The following ASAP1 variants were observed in gnomAD, a reference collection of about 807,000 sequenced individuals.
The protein encoded by ASAP1 is arf-GAP with SH3 domain, ANK repeat and PH domain-containing protein 1.
A neutral mutation model predicts 145.2 loss-of-function variants in ASAP1; 43 were observed. The ratio of observed to expected loss-of-function variants is 0.30; its 90% CI spans 0.23 to 0.38. The LOEUF (loss-of-function observed/expected upper bound fraction) is 0.38, where lower values mean the gene tolerates loss of function less well. ASAP1 is among the 10% of genes least tolerant of loss of function. The pLI, the probability that ASAP1 is intolerant of heterozygous loss-of-function variation, is 1.00. For synonymous variants in ASAP1, 546 were observed against 515.5 expected (o/e 1.06, Z -0.80); for missense variants, 1,018 against 1,355.3 (o/e 0.75, Z 3.91).
intron 1 of ASAP1, among the ~76,000 whole-genome samples, chr8:130,425,709 G>A (rs966805681): frequency 1.3e-5 from 2 of 152,162 alleles, no homozygotes; most frequent in Non-Finnish European, 2.9e-5. Flanking sequence ...ATCATCATAA[G>A]CATTTAAAAT....
At chr8:130,386,104 CCGGT>C (rs1415019426) in intron 2 of ASAP1, among the ~76,000 whole-genome samples, 2 of 152,286 alleles carry the variant, frequency 1.3e-5, no homozygotes, top group African/African-American at 4.8e-5. Context: ...GGTCTTTAAA[CCGGT>C]GGCTTTAGGA....
At chr8:130,099,149 G>A (rs977771221) in intron 24 of ASAP1, among the ~76,000 whole-genome samples, 1 of 151,276 alleles carries the variant, frequency 6.6e-6, no homozygotes. Flanking sequence ...CAGTAGCTGG[G>A]ACTATACGTG....
chr8:130,115,524 C>T, intron 23 of ASAP1, 104 bp downstream of exon 23: 1 of 890,858 alleles, frequency 1.1e-6, no homozygotes, highest in Non-Finnish European at 1.8e-6. Context: ...TACATTGGAT[C>T]ATAAAACCAC....
intron 5 of ASAP1, among the ~76,000 whole-genome samples, chr8:130,212,946 G>A (rs1816677104): frequency 6.6e-6 from 1 of 152,192 alleles, no homozygotes; most frequent in African/African-American, 2.4e-5. Context: ...CCATCTCAGA[G>A]AAAACAGATC....
intron 25 of ASAP1, among the ~76,000 whole-genome samples, chr8:130,081,389 G>A (rs1440113448): frequency 1.3e-5 from 2 of 152,194 alleles, no homozygotes; most frequent in African/African-American, 4.8e-5. Context: ...CCGGGACCCT[G>A]CATGGGCACC....
intron 18 of ASAP1, among the ~76,000 whole-genome samples, chr8:130,121,990 T>G (rs532783263): frequency 6.6e-6 from 1 of 152,134 alleles, no homozygotes; most frequent in East Asian, 1.9e-4. Flanking sequence ...CGCCACATCT[T>G]CCTTCATGAC....
chr8:130,182,755 A>G (rs77288605), intron 7 of ASAP1, among the ~76,000 whole-genome samples: 4,598 of 151,482 alleles, frequency 0.03, 107 homozygotes, highest in Middle Eastern at 0.062. Context: ...AGCAGATAAA[A>G]CATTTTACAA....
At chr8:130,293,648 C>A (rs1302912923) in intron 3 of ASAP1, among the ~76,000 whole-genome samples, 1 of 152,042 alleles carries the variant, frequency 6.6e-6, no homozygotes, top group Admixed American at 6.6e-5. Flanking sequence ...ATCAGCTTTG[C>A]ACACTATAGC....
intron 2 of ASAP1, among the ~76,000 whole-genome samples, chr8:130,367,294 A>G (rs1200991284): frequency 6.6e-6 from 1 of 152,222 alleles, no homozygotes. Flanking sequence ...AGCACAAGTG[A>G]TGGAATATTC....
chr8:130,302,699 T>C (rs910904152), intron 3 of ASAP1, among the ~76,000 whole-genome samples: 24 of 152,178 alleles, frequency 1.6e-4, no homozygotes, highest in Non-Finnish European at 2.9e-4. Flanking sequence ...CAAGTTTCAT[T>C]AGCTTCATTA....
intron 3 of ASAP1, among the ~76,000 whole-genome samples, chr8:130,312,506 C>G (rs577690910): frequency 2.0e-5 from 3 of 152,186 alleles, no homozygotes; most frequent in African/African-American, 7.2e-5. Flanking sequence ...CAACCCGTAG[C>G]AACTCCAGGG....
At chr8:130,357,897 C>T in intron 3 of ASAP1, 120 bp downstream of exon 3, 1 of 1,387,570 alleles carries the variant, frequency 7.2e-7, no homozygotes, top group Non-Finnish European at 9.7e-7. Flanking sequence ...CCGGCGGCTC[C>T]CTGAGGGGGT....
At chr8:130,403,071 G>A (rs892237049) in intron 1 of ASAP1, among the ~76,000 whole-genome samples, 8 of 151,954 alleles carry the variant, frequency 5.3e-5, no homozygotes, top group African/African-American at 1.9e-4. Context: ...CTTCCTGCCC[G>A]TGCATTATTA....
At chr8:130,158,598 GCAACAGAAAAGAAGCC>G (rs2097662687) in intron 12 of ASAP1, among the ~76,000 whole-genome samples, 1 of 152,148 alleles carries the variant, frequency 6.6e-6, no homozygotes, top group African/African-American at 2.4e-5. Flanking sequence ...ATTTGTTTAA[GCAACAGAAAAGAAGCC>G]TCATGTGGCA....
chr8:130,251,250 T>G (rs1440427294), intron 3 of ASAP1, among the ~76,000 whole-genome samples: 1 of 152,052 alleles, frequency 6.6e-6, no homozygotes, highest in Admixed American at 6.6e-5. Flanking sequence ...AAACCGCATT[T>G]CTACTAAAAA....
At chr8:130,375,741 CA>C (rs1827456680) in intron 2 of ASAP1, among the ~76,000 whole-genome samples, 1 of 152,130 alleles carries the variant, frequency 6.6e-6, no homozygotes, top group African/African-American at 2.4e-5. Flanking sequence ...TTAATTCTTA[CA>C]CTATCCTGTG....
chr8:130,126,131 C>T (rs1387820090), intron 16 of ASAP1, 42 bp from the exon 17 acceptor site: 1 of 1,575,400 alleles, frequency 6.3e-7, no homozygotes, highest in Admixed American at 1.9e-5. Context: ...AAAAAGACAT[C>T]TAATTTTAGT....
intron 5 of ASAP1, 38 bp downstream of exon 5, chr8:130,214,518 G>A (rs1565096874): frequency 1.3e-6 from 2 of 1,540,092 alleles, no homozygotes; most frequent in Non-Finnish European, 1.8e-6. Context: ...ATTTTGGAAA[G>A]GCTGTAATTC....
chr8:130,256,677 T>C (rs1388660718), intron 3 of ASAP1, among the ~76,000 whole-genome samples: 1 of 147,284 alleles, frequency 6.8e-6, no homozygotes, highest in Non-Finnish European at 1.5e-5. Context: ...TAAAGAAAAA[T>C]ATAGCTTGAA....
Sources: allele counts gnomAD v4.1 joint callset (sites outside exome capture counted in the v4.1 genomes callset), GRCh38; gene constraint gnomAD v4.1.1; transcripts MANE v1.5; gene names NCBI Gene and HGNC (gene_info 2026-07-23, HGNC 2026-07-21).